CCDC85A: variants seen among roughly 807,000 people sequenced by gnomAD.
The protein encoded by CCDC85A is coiled-coil domain containing 85A.
CCDC85A carries 38 observed loss-of-function variants against 50.2 expected under a neutral mutation model. The observed-to-expected ratio is 0.76, with a 90% CI of 0.58 to 0.99. CCDC85A has a LOEUF of 0.99. CCDC85A is among the 50% of genes least tolerant of loss of function. CCDC85A has a pLI of 0.00. For missense variants in CCDC85A, 820 were observed against 742.0 expected (o/e 1.11, Z -1.22); for synonymous variants, 366 against 301.4 (o/e 1.21, Z -2.22).
At position 56,385,022 on chromosome 2, in the gene CCDC85A, A is replaced by G. The variant is rs879341770; in HGVS notation, c.*667A>G. 6.6e-6 allele frequency: 1 copy of G among 152,180 alleles called. No individual in the cohort carries two copies. Among genetic ancestry groups the G allele is most frequent in the African/African-American group, 2.4e-5 (1 of 41,364 alleles). 9.4% of individuals were successfully genotyped at this position (152,180 alleles called of 1,614,324 possible). On this transcript the variant is annotated 3_prime_UTR_variant, in exon 6 of 6. Transcript: ENST00000407595. ...TGTAGAGTGCTTATCAGAGAGTACC[A>G]TTTACTTCAATTGATCAATATAAAT...
At chr2:56,346,035 C>T (rs1404444433) in intron 3 of CCDC85A, among the ~76,000 whole-genome samples, 1 of 152,062 alleles carries the variant, frequency 6.6e-6, no homozygotes, top group Admixed American at 6.6e-5. Context: ...AGCTGGAATC[C>T]CAAGTATGTA....
chr2:56,293,376 T>A (rs1671804214), intron 2 of CCDC85A, among the ~76,000 whole-genome samples: 1 of 152,166 alleles, frequency 6.6e-6, no homozygotes, highest in South Asian at 2.1e-4. Flanking sequence ...ATAAAAACCC[T>A]AGAGGAAAAT....
intron 2 of CCDC85A, among the ~76,000 whole-genome samples, chr2:56,310,505 T>G (rs1558634845): frequency 6.6e-6 from 1 of 152,134 alleles, no homozygotes; most frequent in Non-Finnish European, 1.5e-5. Flanking sequence ...ACTTATAACG[T>G]GGCCTAAGCA....
At chr2:56,224,265 AGGTT>A (rs1668451614) in intron 2 of CCDC85A, among the ~76,000 whole-genome samples, 3 of 152,318 alleles carry the variant, frequency 2.0e-5, no homozygotes, top group African/African-American at 7.2e-5. Context: ...GTTGTTTTCA[AGGTT>A]TATTCATCTT....
intron 2 of CCDC85A, among the ~76,000 whole-genome samples, chr2:56,275,227 C>G (rs1425127405): frequency 6.6e-6 from 1 of 151,892 alleles, no homozygotes; most frequent in African/African-American, 2.4e-5. Context: ...GGCCTGCTGG[C>G]CTTGAATGAA....
At chr2:56,187,796 A>G (rs1456310492) in intron 1 of CCDC85A, among the ~76,000 whole-genome samples, 1 of 152,168 alleles carries the variant, frequency 6.6e-6, no homozygotes, top group Non-Finnish European at 1.5e-5. Context: ...TTATGTTGTA[A>G]GGAACTGGAT....
intron 5 of CCDC85A, chr2:56,379,934 T>C (rs1676506976): frequency 3.7e-6 from 1 of 271,014 alleles, no homozygotes; most frequent in African/African-American, 2.3e-5. Flanking sequence ...TTTAAAATGC[T>C]GACCAAATGC....
chr2:56,286,598 A>G (rs979690058), intron 2 of CCDC85A, among the ~76,000 whole-genome samples: 1 of 152,106 alleles, frequency 6.6e-6, no homozygotes, highest in African/African-American at 2.4e-5. Flanking sequence ...AGATTTCTCC[A>G]TATGTTCATT....
chr2:56,221,126 GAATAAGAGATTAGCC>G (rs1371796256), intron 2 of CCDC85A, among the ~76,000 whole-genome samples: 6 of 152,058 alleles, frequency 3.9e-5, no homozygotes, highest in Non-Finnish European at 8.8e-5. Flanking sequence ...ACTAGCTTAT[GAATAAGAGATTAGCC>G]ACGTAGAACT....
chr2:56,254,069 C>CACATAT (rs2104000688), intron 2 of CCDC85A, among the ~76,000 whole-genome samples: 1 of 152,244 alleles, frequency 6.6e-6, no homozygotes, highest in South Asian at 2.1e-4. Context: ...CACACATATA[C>CACATAT]ACATATACAT....
intron 3 of CCDC85A, among the ~76,000 whole-genome samples, chr2:56,364,820 CT>C (rs1472458249): frequency 6.6e-6 from 1 of 152,134 alleles, no homozygotes; most frequent in Non-Finnish European, 1.5e-5. Context: ...ATTTCTTCTG[CT>C]ATTTTCCAGT....
At chr2:56,210,917 CCTCTT>C (rs1258213096) in intron 2 of CCDC85A, among the ~76,000 whole-genome samples, 2 of 151,972 alleles carry the variant, frequency 1.3e-5, no homozygotes, top group African/African-American at 4.8e-5. Context: ...GTCACAGAAA[CCTCTT>C]CTTGATGAGC....
chr2:56,263,519 G>A (rs551596205), intron 2 of CCDC85A, among the ~76,000 whole-genome samples: 64 of 152,230 alleles, frequency 4.2e-4, no homozygotes, highest in African/African-American at 1.5e-3. Context: ...TCCAAGAATG[G>A]CCTCCTCAGT....
chr2:56,333,938 A>G (rs1325264943), intron 2 of CCDC85A, among the ~76,000 whole-genome samples: 3 of 152,216 alleles, frequency 2.0e-5, no homozygotes, highest in Non-Finnish European at 4.4e-5. Flanking sequence ...TTCCCTCTCC[A>G]TGACTAGATT....
At chr2:56,227,863 C>G (rs530076995) in intron 2 of CCDC85A, among the ~76,000 whole-genome samples, 2 of 152,142 alleles carry the variant, frequency 1.3e-5, no homozygotes, top group Non-Finnish European at 2.9e-5. Context: ...TTGCCCTTGT[C>G]CAGTGATGCT....
chr2:56,341,989 G>T (rs968836830), intron 2 of CCDC85A, among the ~76,000 whole-genome samples: 3 of 145,558 alleles, frequency 2.1e-5, no homozygotes, highest in African/African-American at 7.4e-5. Context: ...TTTATTTTCT[G>T]TTTTTTTTTT....
At position 56,268,614 on chromosome 2, in the gene CCDC85A, A is replaced by C. The variant is rs549207140; in HGVS notation, c.1241-74265A>C. 9.4e-4 allele frequency among the ~76,000 whole-genome samples: 142 copies of C among 151,454 alleles called. 1 individual carries two copies. The highest frequency in any genetic ancestry group is 3.4e-3 in the African/African-American group (141 of 41,434). On this transcript the variant is annotated intron_variant, in intron 2 of 5. Transcript: ENST00000407595. ...CGTCTCAAAAAAAAAAAAAAAGAAA[A>C]GAAAAGAAAAGAAGAAAAAAATGAC...
chr2:56,324,201 C>T (rs1352096753), intron 2 of CCDC85A, among the ~76,000 whole-genome samples: 1 of 152,044 alleles, frequency 6.6e-6, no homozygotes, highest in Non-Finnish European at 1.5e-5. Context: ...CAAAAAGAAG[C>T]CCCAGTTGGG....
chr2:56,311,147 C>G (rs1672674530), intron 2 of CCDC85A, among the ~76,000 whole-genome samples: 1 of 152,010 alleles, frequency 6.6e-6, no homozygotes, highest in South Asian at 2.1e-4. Flanking sequence ...TTTAAAAATT[C>G]TTTAGAATTC....
Sources: gnomAD v4.1 joint callset for allele counts (sites outside exome capture counted in the v4.1 genomes callset) on GRCh38, gnomAD v4.1.1 for gene constraint, MANE v1.5 for transcripts, NCBI Gene and HGNC (gene_info 2026-07-23, HGNC 2026-07-21) for gene names.